The following CAMK1D variants were observed in gnomAD, a reference collection of about 807,000 sequenced individuals.
The protein encoded by CAMK1D is calcium/calmodulin dependent protein kinase ID.
In CAMK1D, 9 loss-of-function variants were observed where a neutral mutation model predicts 47.7. The ratio of observed to expected loss-of-function variants is 0.19; its 90% CI spans 0.11 to 0.33. CAMK1D has a LOEUF of 0.33. CAMK1D is among the 10% of genes least tolerant of loss of function. The pLI, the probability that CAMK1D is intolerant of heterozygous loss-of-function variation, is 1.00. For missense variants in CAMK1D, 291 were observed against 488.7 expected (o/e 0.60, Z 3.81); for synonymous variants, 184 against 184.9 (o/e 0.99, Z 0.04).
intron 1 of CAMK1D, among the ~76,000 whole-genome samples, chr10:12,359,821 T>C (rs1371391836): frequency 6.6e-6 from 1 of 152,230 alleles, no homozygotes; most frequent in Non-Finnish European, 1.5e-5. Flanking sequence ...ATTTTAATGC[T>C]AGAGTATTTA....
chr10:12,711,870 G>C (rs1402450290), intron 3 of CAMK1D, among the ~76,000 whole-genome samples: 1 of 152,112 alleles, frequency 6.6e-6, no homozygotes, highest in Non-Finnish European at 1.5e-5. Flanking sequence ...AAAATAACTT[G>C]GTCCAAAATA....
At chr10:12,693,885 A>AATATAT (rs1833034189) in intron 3 of CAMK1D, among the ~76,000 whole-genome samples, 1 of 118,768 alleles carries the variant, frequency 8.4e-6, no homozygotes, top group Non-Finnish European at 1.7e-5. Flanking sequence ...CCTGTTTCTA[A>AATATAT]ATATATATAT....
intron 5 of CAMK1D, among the ~76,000 whole-genome samples, chr10:12,777,977 TGGGCCCAAGCCAGGGGCAGGAC>T: frequency 6.6e-6 from 1 of 152,352 alleles, no homozygotes; most frequent in South Asian, 2.1e-4. Flanking sequence ...CACTGTCCCC[TGGGCCCAAGCCAGGGGCAGGAC>T]GCTGCTGTCT....
At chr10:12,631,274 A>G (rs1839371127) in intron 2 of CAMK1D, among the ~76,000 whole-genome samples, 1 of 152,340 alleles carries the variant, frequency 6.6e-6, no homozygotes, top group East Asian at 1.9e-4. Flanking sequence ...CTTTCTTACT[A>G]TAAGATTGCT....
At chr10:12,762,146 C>T (rs1287432433) in intron 4 of CAMK1D, among the ~76,000 whole-genome samples, 2 of 152,114 alleles carry the variant, frequency 1.3e-5, no homozygotes, top group African/African-American at 4.8e-5. Flanking sequence ...GAAAGCAGTG[C>T]GGTTGACCCA....
At chr10:12,674,481 C>G (rs186916875) in intron 3 of CAMK1D, among the ~76,000 whole-genome samples, 143 of 151,706 alleles carry the variant, frequency 9.4e-4, no homozygotes, top group African/African-American at 3.3e-3. Flanking sequence ...TATTACCTGT[C>G]TAATTGCTAT....
intron 3 of CAMK1D, chr10:12,760,705 C>T: frequency 4.3e-6 from 2 of 461,008 alleles, no homozygotes; most frequent in South Asian, 5.1e-5. Context: ...CTGGACAGAA[C>T]CCAGGTGTGG....
intron 1 of CAMK1D, among the ~76,000 whole-genome samples, chr10:12,455,858 T>A (rs1833227286): frequency 6.6e-6 from 1 of 152,238 alleles, no homozygotes; most frequent in Admixed American, 6.5e-5. Context: ...GAAGGTGTTA[T>A]ACAAAACCAT....
chr10:12,398,889 A>G (rs758737121), intron 1 of CAMK1D, among the ~76,000 whole-genome samples: 1 of 151,260 alleles, frequency 6.6e-6, no homozygotes, highest in Non-Finnish European at 1.5e-5. Flanking sequence ...TTGTGTTTTT[A>G]TAGATGTTAG....
At chr10:12,665,201 A>G (rs1472429337) in intron 2 of CAMK1D, among the ~76,000 whole-genome samples, 4 of 152,354 alleles carry the variant, frequency 2.6e-5, no homozygotes, top group African/African-American at 2.4e-5. Context: ...AGTATAATCT[A>G]TTGTTTTAGC....
chr10:12,789,706 G>A (rs1180434534), intron 5 of CAMK1D, among the ~76,000 whole-genome samples: 1 of 152,188 alleles, frequency 6.6e-6, no homozygotes, highest in Non-Finnish European at 1.5e-5. Flanking sequence ...CTGTAATTTG[G>A]GAATAATAGT....
chr10:12,600,565 T>C (rs1838272417), intron 2 of CAMK1D, among the ~76,000 whole-genome samples: 1 of 152,272 alleles, frequency 6.6e-6, no homozygotes, highest in Non-Finnish European at 1.5e-5. Context: ...AGAAGTCCGA[T>C]AATGAAAGAA....
chr10:12,557,301 G>A (rs1836791530), intron 2 of CAMK1D, among the ~76,000 whole-genome samples: 1 of 152,170 alleles, frequency 6.6e-6, no homozygotes, highest in Non-Finnish European at 1.5e-5. Flanking sequence ...TGTAATCCCA[G>A]CACTTTGGGA....
chr10:12,442,557 A>C (rs10906150), intron 1 of CAMK1D, among the ~76,000 whole-genome samples: 33,285 of 152,138 alleles, frequency 0.22, 3,828 homozygotes, highest in East Asian at 0.31. Context: ...TGAATGTTTT[A>C]TTTCAGATAG....
At chr10:12,715,563 T>C (rs751033005) in intron 3 of CAMK1D, among the ~76,000 whole-genome samples, 9 of 152,164 alleles carry the variant, frequency 5.9e-5, no homozygotes, top group Non-Finnish European at 1.2e-4. Flanking sequence ...TGTGGGAAAA[T>C]CTAGCTTTTG....
chr10:12,635,577 T>TG (rs936400909), intron 2 of CAMK1D, among the ~76,000 whole-genome samples: 2 of 152,154 alleles, frequency 1.3e-5, no homozygotes, highest in South Asian at 2.1e-4. Flanking sequence ...GCCATCTTGC[T>TG]GGGGGGGAAG....
rs1564597013 is a variant in CAMK1D at position 12,830,953 on chromosome 10, AC to A, written c.*2067del. 2.9e-3 allele frequency: 429 copies of A among 150,430 alleles called. 6 individuals are homozygous for A. Among genetic ancestry groups the A allele is most frequent in the African/African-American group, 0.011 (415 of 37,584 alleles). The allele number at this position is 150,430 out of a possible 1,614,324, so 9.3% of individuals were successfully genotyped here. Reference sequence around the variant, plus strand: ...CACACACACACACACACACACACACACACACACACACAATGTTATTAGGCAC... The same window carrying A: ...CACACACACACACACACACACACACAACACACACACAATGTTATTAGGCAC... On this transcript the variant is annotated 3_prime_UTR_variant, in exon 11 of 11. Transcript: ENST00000619168.
chr10:12,416,154 TG>T (rs1220352314), intron 1 of CAMK1D, among the ~76,000 whole-genome samples: 4 of 152,168 alleles, frequency 2.6e-5, no homozygotes, highest in African/African-American at 9.7e-5. Context: ...ATATTATTCT[TG>T]TTTTTTTTTT....
chr10:12,749,463 A>AT (rs71925823), intron 3 of CAMK1D, among the ~76,000 whole-genome samples: 2 of 150,668 alleles, frequency 1.3e-5, no homozygotes, highest in Non-Finnish European at 3.0e-5. Context: ...AAAAAAAAAA[A>AT]AGAAATCCAT....
Sources: gnomAD v4.1 joint callset for allele counts (sites outside exome capture counted in the v4.1 genomes callset) on GRCh38, gnomAD v4.1.1 for gene constraint, MANE v1.5 for transcripts, NCBI Gene and HGNC (gene_info 2026-07-23, HGNC 2026-07-21) for gene names.